NDUFB5: variants seen among roughly 807,000 people sequenced by gnomAD.
NDUFB5 encodes the protein NADH dehydrogenase [ubiquinone] 1 beta subcomplex subunit 5, mitochondrial.
Under a neutral mutation model 19.4 loss-of-function variants are expected in NDUFB5, and 19 were observed. The ratio of observed to expected loss-of-function variants is 0.98; its 90% CI spans 0.68 to 1.43. NDUFB5 has a LOEUF of 1.43. NDUFB5 is among the 40% of genes most tolerant of loss of function. NDUFB5 has a pLI of 0.00. For missense variants in NDUFB5, 233 were observed against 236.5 expected (o/e 0.99, Z 0.10); for synonymous variants, 80 against 82.6 (o/e 0.97, Z 0.17).
At chr3:179,623,455 G>A (rs1381368313) in intron 5 of NDUFB5, among the ~76,000 whole-genome samples, 2 of 152,106 alleles carry the variant, frequency 1.3e-5, no homozygotes, top group Admixed American at 6.6e-5. Flanking sequence ...GGCAGATCAC[G>A]ACGAGGTCAG....
At chr3:179,609,990 A>G (rs1719198798) in intron 1 of NDUFB5, among the ~76,000 whole-genome samples, 1 of 152,164 alleles carries the variant, frequency 6.6e-6, no homozygotes, top group Non-Finnish European at 1.5e-5. Flanking sequence ...AATGTTGCCC[A>G]TGCTGAACTT....
Position 179,619,347 on chromosome 3 carries a change from C to T in NDUFB5, c.449+826C>T, listed in dbSNP as rs555878131. ...GTATATCTCCTAATGCTATCCCTCC[C>T]CCCTCCACCCACCCCACAACAGGCC... is the stretch of plus-strand genomic sequence containing the variant. On this transcript the variant is annotated intron_variant, in intron 5 of 5. Coordinates refer to ENST00000259037, the MANE Select transcript of NDUFB5 (RefSeq NM_002492.4). Among the ~76,000 whole-genome samples the T allele has an allele frequency of 4.6e-5, 7 of 151,840 alleles. No homozygotes were observed. The South Asian group carries it at 1.2e-3, about 27-fold the overall frequency.
At chr3:179,615,192 C>G in intron 2 of NDUFB5, 133 bp downstream of exon 2, 1 of 480,588 alleles carries the variant, frequency 2.1e-6, no homozygotes, top group African/African-American at 1.9e-5. Context: ...GTAGAAGATA[C>G]TGAGACTGTA....
chr3:179,609,841 CTAAT>C (rs1377520281), intron 1 of NDUFB5, among the ~76,000 whole-genome samples: 1 of 152,134 alleles, frequency 6.6e-6, no homozygotes, highest in African/African-American at 2.4e-5. Flanking sequence ...TTGCATTTCT[CTAAT>C]TAGTTTTGTT....
intron 1 of NDUFB5, chr3:179,607,860 C>G: frequency 1.4e-6 from 1 of 696,820 alleles, no homozygotes; most frequent in Non-Finnish European, 2.6e-6. Flanking sequence ...ATAATATCCC[C>G]AAGGCATATT....
Position 179,604,966 on chromosome 3 carries a change from C to T in NDUFB5, c.124+27C>T, listed in dbSNP as rs773079122. ...TGGGTGCTGGCCTAGGGAGAACGGG[C>T]GTGAAGCGGGTGCGGGGCGAGAAAA... On this transcript the variant is annotated intron_variant, in intron 1 of 5. Transcript: ENST00000259037. 3 of 1,529,588 alleles carry T rather than the reference C, an allele frequency of 2.0e-6. No individual in the cohort carries two copies. The South Asian group carries it at 3.8e-5, about 19-fold the overall frequency. The allele number at this position is 1,529,588 out of a possible 1,614,324, so 94.8% of individuals were successfully genotyped here.
chr3:179,622,627 A>C (rs1719567949), intron 5 of NDUFB5, among the ~76,000 whole-genome samples: 1 of 152,182 alleles, frequency 6.6e-6, no homozygotes, highest in African/African-American at 2.4e-5. Flanking sequence ...AGTTAGTCTC[A>C]TGTTGATAAA....
chr3:179,615,446 T>G, intron 2 of NDUFB5: 1 of 303,194 alleles, frequency 3.3e-6, no homozygotes, highest in South Asian at 3.1e-5. Flanking sequence ...TTATATGTTG[T>G]TCAGGAACAT....
intron 5 of NDUFB5, among the ~76,000 whole-genome samples, chr3:179,621,202 C>T (rs1317847759): frequency 6.6e-6 from 1 of 152,016 alleles, no homozygotes; most frequent in East Asian, 1.9e-4. Context: ...CCAAGCCTCC[C>T]TAGTAGCCAA....
intron 1 of NDUFB5, among the ~76,000 whole-genome samples, chr3:179,610,121 C>T (rs1719201850): frequency 6.6e-6 from 1 of 152,124 alleles, no homozygotes; most frequent in African/African-American, 2.4e-5. Context: ...TTGACAGGAT[C>T]TTGCTCTGTC....
At chr3:179,614,121 A>G (rs773783096) in intron 1 of NDUFB5, among the ~76,000 whole-genome samples, 10 of 152,226 alleles carry the variant, frequency 6.6e-5, no homozygotes, top group Non-Finnish European at 1.2e-4. Context: ...TTCAGTTTCT[A>G]AGTAACAGCT....
chr3:179,623,618 G>A (rs1459120940), intron 5 of NDUFB5, among the ~76,000 whole-genome samples: 2 of 152,164 alleles, frequency 1.3e-5, no homozygotes, highest in Non-Finnish European at 2.9e-5. Context: ...AAGTTGCAGT[G>A]AGCTGAGACT....
At chr3:179,618,088 G>A (rs1309146942) in intron 4 of NDUFB5, 1 of 166,606 alleles carries the variant, frequency 6.0e-6, no homozygotes, top group African/African-American at 2.4e-5. Context: ...ACCAAAACCT[G>A]GGTTTGTCTT....
chr3:179,609,325 G>C (rs771466101), intron 1 of NDUFB5, among the ~76,000 whole-genome samples: 41 of 152,216 alleles, frequency 2.7e-4, no homozygotes, highest in South Asian at 6.2e-4. Context: ...CATAGATACA[G>C]AGGACAGATT....
rs551211745 is a variant in NDUFB5 at position 179,616,005 on chromosome 3, G to A, written c.236G>A (p.Gly79Glu). The A allele has an allele frequency of 1.9e-6, 3 of 1,613,102 alleles. No homozygotes were observed. The South Asian group carries it at 3.3e-5, about 18-fold the overall frequency. ...KLLRFYIALTGIPVAIFITLV... is the reference protein window; with the variant it reads ...KLLRFYIALTEIPVAIFITLV... ...TAGAGATTCTACATTGCATTGACTG[G>A]GATTCCAGTAGCAATTTTCATAACT... The change falls in exon 3 of 6, where the codon GGG becomes GAG. Residue 79 changes from glycine to glutamate, a missense_variant. By Grantham distance (98) the Gly-to-Glu change is moderately conservative. Coordinates refer to ENST00000259037, the MANE Select transcript of NDUFB5 (RefSeq NM_002492.4).
At chr3:179,615,891 TAAG>T in intron 2 of NDUFB5, 89 bp from the exon 3 acceptor site, 1 of 1,026,214 alleles carries the variant, frequency 9.7e-7, no homozygotes. Flanking sequence ...GTTTATTTTA[TAAG>T]AAATATGAGG....
At chr3:179,619,172 CCT>C (rs934008031) in intron 5 of NDUFB5, among the ~76,000 whole-genome samples, 3 of 148,358 alleles carry the variant, frequency 2.0e-5, no homozygotes, top group African/African-American at 7.5e-5. Flanking sequence ...TATTTTTTCC[CCT>C]CTCTTATGGT....
intron 4 of NDUFB5, 28 bp from the exon 5 acceptor site, chr3:179,618,387 C>G: frequency 7.0e-7 from 1 of 1,420,440 alleles, no homozygotes; most frequent in Non-Finnish European, 9.8e-7. Flanking sequence ...CAGAAATGGA[C>G]TAATATTAAA....
At chr3:179,620,998 T>C (rs888309508) in intron 5 of NDUFB5, among the ~76,000 whole-genome samples, 13 of 152,308 alleles carry the variant, frequency 8.5e-5, no homozygotes, top group Middle Eastern at 3.4e-3. Flanking sequence ...TTGAAAAATG[T>C]TACCTCATCA....
Sources: allele counts gnomAD v4.1 joint callset (sites outside exome capture counted in the v4.1 genomes callset), GRCh38; gene constraint gnomAD v4.1.1; transcripts MANE v1.5; gene names NCBI Gene and HGNC (gene_info 2026-07-23, HGNC 2026-07-21).